The following LMNTD2 variants were observed in gnomAD, a reference collection of about 807,000 sequenced individuals.
LMNTD2 encodes the protein lamin tail domain containing 2.
Under a neutral mutation model 70.1 loss-of-function variants are expected in LMNTD2, and 83 were observed. The ratio of observed to expected loss-of-function variants is 1.18; its 90% CI spans 0.99 to 1.42. The LOEUF is 1.42. Ranked by LOEUF, LMNTD2 falls within the 40% of genes most tolerant of loss-of-function variation. The pLI is 0.00. For synonymous variants in LMNTD2, 534 were observed against 406.1 expected (o/e 1.31, Z -3.79); for missense variants, 1,153 against 905.9 (o/e 1.27, Z -3.50).
Position 557,974 on chromosome 11 carries a change from C to T in LMNTD2, c.465G>A (p.Glu155=). 2 of 1,600,370 alleles carry T rather than the reference C, an allele frequency of 1.2e-6. No individual in the cohort carries two copies. Among genetic ancestry groups the T allele is most frequent in the Non-Finnish European group, 1.7e-6 (2 of 1,172,446 alleles). The stretch of plus-strand genomic sequence containing the variant: ...GGCAGGACTTCTGCAAGTTCTGCAG[C>T]TCGGCCTCCATCTCCTGGAGCGTGC... ...TTRTLQEMEA[E]LQNLQKSCLL... is the part of the protein sequence containing the mutation. The change falls in exon 5 of 14, where the codon GAG becomes GAA. Residue 155 remains glutamate (E), a synonymous_variant. Transcript: ENST00000329451.
chr11:560,334 G>A, intron 1 of LMNTD2: 1 of 1,115,272 alleles, frequency 9.0e-7, no homozygotes, highest in African/African-American at 1.6e-5. Flanking sequence ...GCCTGGCACT[G>A]GGTCCAAAAG....
rs1473002300 is a variant in LMNTD2 at position 555,823 on chromosome 11, G to A, written c.1485C>T (p.Pro495=). The change falls in exon 12 of 14, where the codon CCC becomes CCT. Residue 495 remains proline (P), a synonymous_variant. Coordinates refer to ENST00000329451, the MANE Select transcript of LMNTD2 (RefSeq NM_173573.3). ...IDRFPLPEAG[P]GADTRKPPRP... ...GCGGCGGCTTGCGGGTGTCGGCGCC[G>A]GGCCCGGCCTCAGGGAGCGGGAAGC... 5 of 1,538,376 alleles carry A rather than the reference G, an allele frequency of 3.3e-6. No homozygotes were observed. The highest frequency in any genetic ancestry group is 4.3e-6 in the Non-Finnish European group (5 of 1,152,464).
Position 555,011 on chromosome 11 carries a change from G to T in LMNTD2, c.1874C>A (p.Pro625Gln). The T allele has an allele frequency of 6.3e-7, 1 of 1,591,534 alleles. No individual in the cohort carries two copies. The highest frequency in any genetic ancestry group is 8.5e-7 in the Non-Finnish European group (1 of 1,172,518). ...RFGFRFLSCL[P>Q]VTADTCRGA is the part of the protein sequence containing the mutation. ...GCCGCGGCAGGTGTCCGCGGTGACC[G>T]GCAGGCAGCTGAGGAAGCGGAAGCC... The change falls in exon 14 of 14, where the codon CCG becomes CAG. Residue 625 changes from proline (P) to glutamine (Q), a missense_variant. Transcript: ENST00000329451.
rs1240282048 is a variant in LMNTD2 at position 557,858 on chromosome 11, C to CA, written c.555+25dup. 7.1e-6 allele frequency: 11 copies of CA among 1,543,656 alleles called. No individual in the cohort carries two copies. In the Admixed American group the frequency reaches 9.8e-5, roughly 14 times the overall value. On this transcript the variant is annotated intron_variant, in intron 5 of 13. Coordinates refer to ENST00000329451, the MANE Select transcript of LMNTD2 (RefSeq NM_173573.3). The stretch of plus-strand genomic sequence containing the variant: ...GAGGGCTGGGGAGGGCAGCCTGGGG[C>CA]AGGAGGGCTTGGGGGACAGGCTCAC...
rs1852784853 is a variant in LMNTD2 at position 555,431 on chromosome 11, C to G, written c.1647G>C (p.Glu549Asp). Residue 549 changes from glutamate (E) to aspartate (D), a missense_variant, in exon 13 of 14, where the codon GAG becomes GAC. Glu to Asp is a conservative substitution (Grantham distance 45). Coordinates refer to ENST00000329451, the MANE Select transcript of LMNTD2 (RefSeq NM_173573.3). Reference sequence around the variant, plus strand: ...GCTGCGGCGCGGGGATCTCGGGGTTCTCGGGCCGCGCAGGCCCCTCCCGCG... The same window carrying G: ...GCTGCGGCGCGGGGATCTCGGGGTTGTCGGGCCGCGCAGGCCCCTCCCGCG... Reference protein sequence around the residue: ...FHAREGPARPENPEIPAPQHL... With the variant: ...FHAREGPARPDNPEIPAPQHL... 2 of 1,395,402 alleles carry G rather than the reference C, an allele frequency of 1.4e-6. No individual in the cohort carries two copies. Among genetic ancestry groups the G allele is most frequent in the Non-Finnish European group, 1.8e-6 (2 of 1,081,626 alleles). The allele number at this position is 1,395,402 out of a possible 1,614,324, so 86.4% of individuals were successfully genotyped here.
In LMNTD2 at chr11:556,842, G is replaced by A. The variant is rs376297990; in HGVS notation, c.969C>T (p.Asp323=). Residue 323 remains aspartate, a synonymous_variant, in exon 8 of 14, where the codon GAC becomes GAT. Coordinates refer to ENST00000329451, the MANE Select transcript of LMNTD2 (RefSeq NM_173573.3). Reference sequence around the variant, plus strand: ...AGACCCGCCCCACTGCACCTTCTGAGTCCCTGCTGTAGCTGCCGGCCTGCA... The same window carrying A: ...AGACCCGCCCCACTGCACCTTCTGAATCCCTGCTGTAGCTGCCGGCCTGCA... ...ALVQAGSYSR[D]SEDLQKTHSP... 2.0e-5 allele frequency: 32 copies of A among 1,575,490 alleles called. No homozygotes were observed. The highest frequency in any genetic ancestry group is 2.6e-5 in the Non-Finnish European group (30 of 1,158,910).
At chr11:558,442 G>A (rs889932991) in intron 3 of LMNTD2, 172 bp downstream of exon 3, 6 of 1,069,224 alleles carry the variant, frequency 5.6e-6, no homozygotes, top group Non-Finnish European at 7.9e-6. Context: ...CACATGCGCA[G>A]GGTTAGGGTG....
At position 556,897 on chromosome 11, in the gene LMNTD2, TC is replaced by T; in HGVS notation, c.913del (p.Asp305ThrfsTer58). 6.3e-7 allele frequency: 1 copy of T among 1,597,020 alleles called. No homozygotes were observed. Among genetic ancestry groups the T allele is most frequent in the South Asian group, 1.1e-5 (1 of 89,106 alleles). On this transcript the variant is annotated frameshift_variant, in exon 8 of 14. Coordinates refer to ENST00000329451, the MANE Select transcript of LMNTD2 (RefSeq NM_173573.3). LOFTEE classifies it high-confidence loss of function. ...FVQVIGHPPRDHRASSEQALV... is the reference protein window; with the variant it reads ...FVQVIGHPPRXHRASSEQALV... ...CGCTTGCTCGGAGGAAGCGCGGTGGTCCCGGGGCGGGTGCCCTATCACCTGC... is the reference window on the plus strand; with the variant it reads ...CGCTTGCTCGGAGGAAGCGCGGTGGTCCGGGGCGGGTGCCCTATCACCTGC...
rs567333117 is a variant in LMNTD2 at position 559,737 on chromosome 11, C to A, written c.35-758G>T. Reference sequence around the variant, plus strand: ...GAACGCTAACTGGCAATAGTACACTCCTGCCCACAGCCTGTTTTTAAATTA... The same window carrying A: ...GAACGCTAACTGGCAATAGTACACTACTGCCCACAGCCTGTTTTTAAATTA... On this transcript the variant is annotated intron_variant, in intron 1 of 13. Coordinates refer to ENST00000329451, the MANE Select transcript of LMNTD2 (RefSeq NM_173573.3). The A allele has an allele frequency of 5.6e-6, 6 of 1,076,212 alleles. No individual in the cohort carries two copies. In the East Asian group the frequency reaches 3.5e-4, roughly 62 times the overall value. The allele number at this position is 1,076,212 out of a possible 1,614,324, so 66.7% of individuals were successfully genotyped here. A position where few individuals can be genotyped will look rare whatever the true frequency, so the allele number is the denominator to read the frequency against.
At chr11:557,525 C>T (rs759835653) in intron 6 of LMNTD2, 38 bp from the exon 7 acceptor site, 13 of 1,613,374 alleles carry the variant, frequency 8.1e-6, no homozygotes, top group African/African-American at 1.3e-5. Context: ...CCTCCCCTCC[C>T]GCAGGGCTCC....
rs374225356 is a variant in LMNTD2, at chr11:557,037, G to A, written c.774C>T (p.Ser258=). 1.9e-5 allele frequency: 31 copies of A among 1,609,428 alleles called. No homozygotes were observed. Among genetic ancestry groups the A allele is most frequent in the African/African-American group, 6.7e-5 (5 of 74,870 alleles). ...ACTCCACGGTCTTGTGATGCCGCTCGGAATGCTTTCCAGAGGACTCTGGGC... is the reference window on the plus strand; with the variant it reads ...ACTCCACGGTCTTGTGATGCCGCTCAGAATGCTTTCCAGAGGACTCTGGGC... ...TGSPESSGKH[S]ERHHKTVEWG... Residue 258 remains serine (S), a synonymous_variant, in exon 8 of 14, where the codon TCC becomes TCT. Transcript: ENST00000329451.
In LMNTD2 at chr11:557,458, G is replaced by C. The variant is rs781002402; in HGVS notation, c.654C>G (p.Asn218Lys). 5.6e-6 allele frequency: 9 copies of C among 1,610,298 alleles called. No homozygotes were observed. In the Admixed American group the frequency reaches 1.5e-4, roughly 27 times the overall value. The stretch of plus-strand genomic sequence containing the variant: ...GGTTGGGATACCGGCGGGCAACGCT[G>C]TTCCAATCCACGTCCTCCAGCCGAA... ...EGFRLEDVDW[N>K]SVARRYPNLF... The change falls in exon 7 of 14, where the codon AAC becomes AAG. Residue 218 changes from asparagine (N) to lysine (K), a missense_variant. By Grantham distance (94) the Asn-to-Lys change is moderately conservative. Transcript: ENST00000329451.
chr11:560,038 A>G (rs1853174333), intron 1 of LMNTD2: 1 of 164,144 alleles, frequency 6.1e-6, no homozygotes, highest in Non-Finnish European at 1.3e-5. Context: ...CATTACCATG[A>G]CAAGTATTCC....
intron 9 of LMNTD2, 46 bp from the exon 10 acceptor site, chr11:556,421 G>A (rs1376690856): frequency 1.3e-6 from 2 of 1,543,178 alleles, no homozygotes; most frequent in Admixed American, 2.0e-5. Flanking sequence ...CGGTCCACCC[G>A]CACAGCTGCG....
Position 559,618 on chromosome 11 carries a change from A to G in LMNTD2, c.35-639T>C, listed in dbSNP as rs990595766. ...TAGCCTGGCAGCAGCAGCGGGATAA[A>G]TAGGGGGGCACTGCTGCCTGTGAGC... is the stretch of plus-strand genomic sequence containing the variant. On this transcript the variant is annotated intron_variant, in intron 1 of 13. Coordinates refer to ENST00000329451, the MANE Select transcript of LMNTD2 (RefSeq NM_173573.3). The G allele has an allele frequency of 5.9e-6, 7 of 1,184,670 alleles. No homozygotes were observed. The African/African-American group carries it at 8.0e-5, about 14-fold the overall frequency. 73.4% of individuals were successfully genotyped at this position (1,184,670 alleles called of 1,614,324 possible).
In LMNTD2 at chr11:559,428, G is replaced by A. The variant is rs1355914747; in HGVS notation, c.35-449C>T. Reference sequence around the variant, plus strand: ...GATACCAGCACCCAGAAGGGGTGGGGCTGTTTGTTACCAGGAGCCTCCAGG... The same window carrying A: ...GATACCAGCACCCAGAAGGGGTGGGACTGTTTGTTACCAGGAGCCTCCAGG... On this transcript the variant is annotated intron_variant, in intron 1 of 13. Coordinates refer to ENST00000329451, the MANE Select transcript of LMNTD2 (RefSeq NM_173573.3). 3.1e-6 allele frequency: 4 copies of A among 1,307,212 alleles called. No individual in the cohort carries two copies. In the Admixed American group the frequency reaches 6.9e-5, roughly 22 times the overall value. 81.0% of individuals were successfully genotyped at this position (1,307,212 alleles called of 1,614,324 possible).
chr11:556,698 C>T, intron 8 of LMNTD2, 110 bp from the exon 9 acceptor site: 4 of 1,414,828 alleles, frequency 2.8e-6, no homozygotes, highest in Non-Finnish European at 3.7e-6. Context: ...GGGAGCAGGG[C>T]CAGGGTCAGA....
Position 558,960 on chromosome 11 carries a change from A to G in LMNTD2, c.54T>C (p.Gly18=), listed in dbSNP as rs1189312758. 8 of 1,602,028 alleles carry G rather than the reference A, an allele frequency of 5.0e-6. No individual in the cohort carries two copies. Among genetic ancestry groups the G allele is most frequent in the Non-Finnish European group, 6.8e-6 (8 of 1,179,610 alleles). ...GTGCGCCTGCTGGAGGTCCCAGGTG[A>G]CCACTGACCGACTCTTGCTCTGTGG... is the stretch of plus-strand genomic sequence containing the variant. ...GRRREQESVS[G]HLGPPAGAPA... The change falls in exon 2 of 14, where the codon GGT becomes GGC. Residue 18 remains glycine, a synonymous_variant. Coordinates refer to ENST00000329451, the MANE Select transcript of LMNTD2 (RefSeq NM_173573.3).
chr11:559,257 C>A (rs539545074), intron 1 of LMNTD2: 57 of 1,491,828 alleles, frequency 3.8e-5, no homozygotes, highest in Non-Finnish European at 5.1e-5. Flanking sequence ...TGTACCCCTG[C>A]CACCCAGGTG....
Sources: gnomAD v4.1 joint callset for allele counts on GRCh38, gnomAD v4.1.1 for gene constraint, MANE v1.5 for transcripts, NCBI Gene and HGNC (gene_info 2026-07-23, HGNC 2026-07-21) for gene names.